ADARB2: variants seen among roughly 807,000 people sequenced by gnomAD.
The protein encoded by ADARB2 is adenosine deaminase RNA specific B2 (inactive).
In ADARB2, 25 loss-of-function variants were observed where a neutral mutation model predicts 62.2. The observed-to-expected ratio is 0.40, with a 90% confidence interval of 0.29 to 0.56. The LOEUF is 0.56. Among genes scored for constraint, ADARB2 ranks in the 20% least tolerant of loss-of-function variants. The pLI is 0.43. For synonymous variants in ADARB2, 572 were observed against 500.8 expected (o/e 1.14, Z -1.90); for missense variants, 1,071 against 1,077.4 (o/e 0.99, Z 0.08).
intron 4 of ADARB2, 42 bp from the exon 5 acceptor site, chr10:1,242,341 C>T: frequency 4.0e-6 from 6 of 1,505,460 alleles, no homozygotes; most frequent in Non-Finnish European, 5.4e-6. Flanking sequence ...GCCCACGGCC[C>T]CCGTCTCCCT....
intron 7 of ADARB2, among the ~76,000 whole-genome samples, chr10:1,202,859 G>C (rs185934439): frequency 2.0e-5 from 3 of 152,212 alleles, no homozygotes; most frequent in Non-Finnish European, 2.9e-5. Flanking sequence ...GTCAGAGCAC[G>C]GGCTTTGAAC....
chr10:1,647,611 G>T (rs1007498023), intron 1 of ADARB2, among the ~76,000 whole-genome samples: 3 of 151,734 alleles, frequency 2.0e-5, no homozygotes, highest in African/African-American at 7.3e-5. Flanking sequence ...TCTGTGTGGG[G>T]ATATGTATTT....
At chr10:1,694,075 G>A (rs1421728992) in intron 1 of ADARB2, among the ~76,000 whole-genome samples, 2 of 152,152 alleles carry the variant, frequency 1.3e-5, no homozygotes, top group African/African-American at 4.8e-5. Flanking sequence ...ATTTTAATCT[G>A]ATGTTATGTA....
chr10:1,258,885 C>A (rs1002685720), intron 4 of ADARB2, among the ~76,000 whole-genome samples: 2 of 152,144 alleles, frequency 1.3e-5, no homozygotes, highest in Non-Finnish European at 2.9e-5. Flanking sequence ...CCAAAATTGA[C>A]CACATAGTTG....
intron 3 of ADARB2, among the ~76,000 whole-genome samples, chr10:1,312,182 C>T (rs965068082): frequency 6.6e-6 from 1 of 152,260 alleles, no homozygotes; most frequent in African/African-American, 2.4e-5. Context: ...ACTCTTGCTT[C>T]TCCCTCTCCT....
intron 3 of ADARB2, among the ~76,000 whole-genome samples, chr10:1,277,381 A>G (rs1034881797): frequency 5.9e-5 from 9 of 152,328 alleles, no homozygotes; most frequent in Non-Finnish European, 1.3e-4. Flanking sequence ...AAGAAGAAAG[A>G]GAAGAATCAA....
At chr10:1,297,999 G>C (rs1020531724) in intron 3 of ADARB2, among the ~76,000 whole-genome samples, 1 of 152,218 alleles carries the variant, frequency 6.6e-6, no homozygotes, top group Non-Finnish European at 1.5e-5. Context: ...AGCCACCTGG[G>C]TGTGCTCACT....
intron 1 of ADARB2, among the ~76,000 whole-genome samples, chr10:1,442,650 G>C (rs970360236): frequency 5.3e-5 from 8 of 152,194 alleles, no homozygotes; most frequent in African/African-American, 1.9e-4. Flanking sequence ...TTGAGAGTGA[G>C]ACACTGTTCT....
chr10:1,416,781 C>T (rs1219347620), intron 1 of ADARB2, among the ~76,000 whole-genome samples: 1 of 152,264 alleles, frequency 6.6e-6, no homozygotes, highest in African/African-American at 2.4e-5. Flanking sequence ...AGCCAGATCC[C>T]TGCCAGTAAG....
At chr10:1,676,888 G>A (rs1834473007) in intron 1 of ADARB2, among the ~76,000 whole-genome samples, 1 of 152,162 alleles carries the variant, frequency 6.6e-6, no homozygotes, top group Non-Finnish European at 1.5e-5. Context: ...GTGAGTGTCA[G>A]AAACTCAGAC....
chr10:1,485,566 C>T (rs1461771710), intron 1 of ADARB2, among the ~76,000 whole-genome samples: 1 of 152,180 alleles, frequency 6.6e-6, no homozygotes, highest in East Asian at 1.9e-4. Flanking sequence ...GCAGAAGAGT[C>T]CACCAAGCGT....
chr10:1,512,188 G>A (rs1400077616), intron 1 of ADARB2, among the ~76,000 whole-genome samples: 1 of 151,938 alleles, frequency 6.6e-6, no homozygotes, highest in Non-Finnish European at 1.5e-5. Flanking sequence ...TGTCTACACT[G>A]GATACCAACA....
At chr10:1,251,668 T>C (rs900563455) in intron 4 of ADARB2, among the ~76,000 whole-genome samples, 2 of 152,214 alleles carry the variant, frequency 1.3e-5, no homozygotes, top group African/African-American at 4.8e-5. Flanking sequence ...AAATGTGGTG[T>C]TTTCTCCAAA....
At chr10:1,241,334 C>T (rs902205055) in intron 5 of ADARB2, among the ~76,000 whole-genome samples, 1 of 152,208 alleles carries the variant, frequency 6.6e-6, no homozygotes, top group Non-Finnish European at 1.5e-5. Flanking sequence ...GTGGGCCTTT[C>T]TCCTTTTGTG....
intron 4 of ADARB2, among the ~76,000 whole-genome samples, chr10:1,266,955 A>G (rs1252948817): frequency 6.6e-6 from 1 of 152,232 alleles, no homozygotes; most frequent in Admixed American, 6.5e-5. Context: ...AACATCGAGT[A>G]AAAGAATGAA....
intron 1 of ADARB2, among the ~76,000 whole-genome samples, chr10:1,647,704 G>A (rs970116710): frequency 6.6e-6 from 1 of 152,044 alleles, no homozygotes; most frequent in Admixed American, 6.5e-5. Flanking sequence ...GTGCATATAT[G>A]TGTGTATATG....
chr10:1,356,401 C>T (rs1301434204), intron 3 of ADARB2, among the ~76,000 whole-genome samples: 1 of 152,190 alleles, frequency 6.6e-6, no homozygotes, highest in Admixed American at 6.5e-5. Context: ...GGGGACCCAC[C>T]CCCTGGAGGG....
At chr10:1,468,022 T>C (rs939848995) in intron 1 of ADARB2, among the ~76,000 whole-genome samples, 1 of 152,254 alleles carries the variant, frequency 6.6e-6, no homozygotes, top group Non-Finnish European at 1.5e-5. Flanking sequence ...GCGTGGAGCT[T>C]CTGTGCCAGC....
At chr10:1,726,279 T>C (rs1250481506) in intron 1 of ADARB2, among the ~76,000 whole-genome samples, 1 of 152,218 alleles carries the variant, frequency 6.6e-6, no homozygotes, top group Non-Finnish European at 1.5e-5. Context: ...ATTGTTTAGA[T>C]TCTAGGTGAT....
Sources: gnomAD v4.1 joint callset for allele counts (sites outside exome capture counted in the v4.1 genomes callset) on GRCh38, gnomAD v4.1.1 for gene constraint, MANE v1.5 for transcripts, NCBI Gene and HGNC (gene_info 2026-07-23, HGNC 2026-07-21) for gene names.